Variants in RAB11FIP2 observed in about 807,000 individuals in gnomAD.
RAB11FIP2 encodes the protein RAB11 family interacting protein 2.
In RAB11FIP2, 16 loss-of-function variants were observed where a neutral mutation model predicts 40.9. The observed-to-expected ratio is 0.39, with a 90% CI of 0.26 to 0.59. RAB11FIP2 has a LOEUF of 0.59. Ranked by LOEUF, RAB11FIP2 falls within the 20% of genes least tolerant of loss-of-function variation. RAB11FIP2 has a pLI of 0.53. For synonymous variants in RAB11FIP2, 228 were observed against 213.7 expected (o/e 1.07, Z -0.58); for missense variants, 532 against 606.2 (o/e 0.88, Z 1.28).
chr10:118,037,903 C>T (rs565184695), intron 3 of RAB11FIP2, among the ~76,000 whole-genome samples: 4 of 152,166 alleles, frequency 2.6e-5, no homozygotes, highest in African/African-American at 9.6e-5. Context: ...TATACGCAAC[C>T]TCCCATATAT....
chr10:118,032,298 A>G (rs1383222038), intron 3 of RAB11FIP2, among the ~76,000 whole-genome samples: 3 of 152,086 alleles, frequency 2.0e-5, no homozygotes, highest in African/African-American at 7.2e-5. Flanking sequence ...TTTTACCTCA[A>G]TCCTGAGAAA....
At chr10:118,031,883 A>T (rs916955783) in intron 3 of RAB11FIP2, among the ~76,000 whole-genome samples, 3 of 152,114 alleles carry the variant, frequency 2.0e-5, no homozygotes, top group African/African-American at 7.2e-5. Flanking sequence ...GAGTGAAAGC[A>T]TGTTCTTTCT....
intron 3 of RAB11FIP2, among the ~76,000 whole-genome samples, chr10:118,020,106 G>A (rs1846266683): frequency 6.6e-6 from 1 of 152,132 alleles, no homozygotes; most frequent in Non-Finnish European, 1.5e-5. Flanking sequence ...CTCATTTACA[G>A]ATGAGGAAAT....
intron 3 of RAB11FIP2, chr10:118,034,082 C>G: frequency 1.4e-6 from 1 of 698,558 alleles, no homozygotes; most frequent in Admixed American, 2.0e-5. Context: ...CTTTGTGGGC[C>G]ATATGGTCTC....
In RAB11FIP2 at chr10:118,005,736, T is replaced by C. The variant is rs1293430771; in HGVS notation, c.*3262A>G. Reference sequence around the variant, plus strand: ...TCTAGTGTAACATTTACTGTAGATATATTAGACAACAGTTTTTTGTTTTTT... The same window carrying C: ...TCTAGTGTAACATTTACTGTAGATACATTAGACAACAGTTTTTTGTTTTTT... On this transcript the variant is annotated 3_prime_UTR_variant, in exon 5 of 5. Transcript: ENST00000355624. 6.6e-6 allele frequency: 1 copy of C among 152,232 alleles called. No individual in the cohort carries two copies. Among genetic ancestry groups the C allele is most frequent in the African/African-American group, 2.4e-5 (1 of 41,446 alleles). The allele number at this position is 152,232 out of a possible 1,614,324, so 9.4% of individuals were successfully genotyped here. A position where few individuals can be genotyped will look rare whatever the true frequency, so the allele number is the denominator to read the frequency against.
chr10:118,039,105 C>A lies in RAB11FIP2; in HGVS notation c.1132G>T (p.Gly378Trp), dbSNP rs1392474932. The A allele has an allele frequency of 2.5e-6, 4 of 1,613,678 alleles. No homozygotes were observed. Among genetic ancestry groups the A allele is most frequent in the Non-Finnish European group, 3.4e-6 (4 of 1,179,790 alleles). Residue 378 changes from glycine (G) to tryptophan (W), a missense_variant, in exon 3 of 5, where the codon GGG becomes TGG. Transcript: ENST00000355624. The stretch of plus-strand genomic sequence containing the variant: ...AAGTCACAAGGGCTATCAGATCCCC[C>A]ATTGTTAAGTTTATCAGATCTTCTG... ...DSRRSDKLNN[G>W]GSDSPCDLKS...
chr10:118,045,104 T>G (rs1041243890), intron 1 of RAB11FIP2, among the ~76,000 whole-genome samples: 1 of 152,158 alleles, frequency 6.6e-6, no homozygotes, highest in Non-Finnish European at 1.5e-5. Context: ...TCACAAAAAT[T>G]TATCATTCTC....
chr10:118,035,715 G>C (rs1846472646), intron 3 of RAB11FIP2, among the ~76,000 whole-genome samples: 1 of 151,966 alleles, frequency 6.6e-6, no homozygotes, highest in African/African-American at 2.4e-5. Flanking sequence ...TCATGGTAGT[G>C]GGCAAAAAAA....
In RAB11FIP2 at chr10:118,041,985, C is replaced by T. The variant is rs537112165; in HGVS notation, c.354-1420G>A. Among the ~76,000 whole-genome samples, 6 of 151,944 alleles carry T rather than the reference C, an allele frequency of 3.9e-5. No individual in the cohort carries two copies. The South Asian group carries it at 6.2e-4, about 16-fold the overall frequency. On this transcript the variant is annotated intron_variant, in intron 1 of 4. Transcript: ENST00000355624. ...AGGGGCTAGAAATAAGAAATGACAG[C>T]GATTTCTGTGAAATAGACAACCTTA...
chr10:118,038,588 G>A (rs748943307), intron 3 of RAB11FIP2, among the ~76,000 whole-genome samples: 53 of 151,990 alleles, frequency 3.5e-4, no homozygotes, highest in Non-Finnish European at 6.9e-4. Flanking sequence ...GCTGCTGTTG[G>A]TCCTTTCCAG....
Position 118,006,185 on chromosome 10 carries a change from T to C in RAB11FIP2, c.*2813A>G, listed in dbSNP as rs1383291039. ...ACTTGAAGCGTAAGTGGTAGGAAGG[T>C]ATGTTCAATATTTTTAAAGCTGAAT... On this transcript the variant is annotated 3_prime_UTR_variant, in exon 5 of 5. Transcript: ENST00000355624. 6.6e-6 allele frequency: 1 copy of C among 152,606 alleles called. No homozygotes were observed. Among genetic ancestry groups the C allele is most frequent in the African/African-American group, 2.4e-5 (1 of 41,458 alleles). 9.5% of individuals were successfully genotyped at this position (152,606 alleles called of 1,614,324 possible).
Position 118,045,059 on chromosome 10 carries a change from G to A in RAB11FIP2, c.353+752C>T, listed in dbSNP as rs535729403. Among the ~76,000 whole-genome samples the A allele has an allele frequency of 2.0e-5, 3 of 152,132 alleles. No homozygotes were observed. The South Asian group carries it at 6.2e-4, about 32-fold the overall frequency. The stretch of plus-strand genomic sequence containing the variant: ...CTAACTCAAGCTCAAAAGTCATACT[G>A]AAAAGACCACTGAAGATGTTATCAA... On this transcript the variant is annotated intron_variant, in intron 1 of 4. Transcript: ENST00000355624.
In RAB11FIP2 at chr10:118,045,953, A is replaced by G. The variant is rs763797581; in HGVS notation, c.211T>C (p.Leu71=). The G allele has an allele frequency of 3.7e-6, 6 of 1,614,220 alleles. No individual in the cohort carries two copies. Among genetic ancestry groups the G allele is most frequent in the Non-Finnish European group, 8.5e-7 (1 of 1,180,040 alleles). Residue 71 remains leucine, a synonymous_variant, in exon 1 of 5, where the codon TTG becomes CTG. Coordinates refer to ENST00000355624, the MANE Select transcript of RAB11FIP2 (RefSeq NM_014904.3). The part of the protein sequence containing the change: ...KEEASFELPG[L]LIQGSPEKYI... The stretch of plus-strand genomic sequence containing the variant: ...TTCTCTGGACTTCCCTGAATTAGCA[A>G]TCCAGGTAGCTCGAAAGAGGCCTCC...
chr10:118,011,313 C>T (rs1236564388), intron 4 of RAB11FIP2, among the ~76,000 whole-genome samples: 1 of 151,938 alleles, frequency 6.6e-6, no homozygotes, highest in East Asian at 1.9e-4. Flanking sequence ...CATTAAAGGA[C>T]AATTCTAGAG....
chr10:118,045,038 C>G (rs932753406), intron 1 of RAB11FIP2, among the ~76,000 whole-genome samples: 1 of 152,028 alleles, frequency 6.6e-6, no homozygotes, highest in African/African-American at 2.4e-5. Context: ...ATGTATCTAA[C>G]TCAAGCTCAA....
chr10:118,033,723 A>T (rs1381285509), intron 3 of RAB11FIP2, among the ~76,000 whole-genome samples: 2 of 152,200 alleles, frequency 1.3e-5, no homozygotes, highest in Non-Finnish European at 2.9e-5. Context: ...AACGTTAGAA[A>T]GAGGAGTTTG....
At chr10:118,026,022 C>CA (rs1456570397) in intron 3 of RAB11FIP2, among the ~76,000 whole-genome samples, 4 of 152,190 alleles carry the variant, frequency 2.6e-5, no homozygotes, top group Non-Finnish European at 5.9e-5. Flanking sequence ...TCCTTTGTAT[C>CA]AGAGTATCAA....
At chr10:118,028,530 G>A (rs1846373285) in intron 3 of RAB11FIP2, among the ~76,000 whole-genome samples, 2 of 151,996 alleles carry the variant, frequency 1.3e-5, no homozygotes, top group Admixed American at 1.3e-4. Context: ...CAAGGTAACT[G>A]TACCACCATA....
At chr10:118,040,075 C>A in intron 2 of RAB11FIP2, 48 bp downstream of exon 2, 1 of 1,495,198 alleles carries the variant, frequency 6.7e-7, no homozygotes, top group Non-Finnish European at 9.0e-7. Flanking sequence ...ACTTTAAAAA[C>A]TAAAAGGGTA....
Sources: allele counts gnomAD v4.1 joint callset (sites outside exome capture counted in the v4.1 genomes callset), GRCh38; gene constraint gnomAD v4.1.1; transcripts MANE v1.5; gene names NCBI Gene and HGNC (gene_info 2026-07-23, HGNC 2026-07-21).